The following EIF4E3 variants were observed in gnomAD, a reference collection of about 807,000 sequenced individuals.
The protein encoded by EIF4E3 is eukaryotic translation initiation factor 4E type 3.
EIF4E3 carries 26 observed loss-of-function variants against 31.7 expected under a neutral mutation model. The ratio of observed to expected loss-of-function variants is 0.82; its 90% CI spans 0.60 to 1.14. The LOEUF (loss-of-function observed/expected upper bound fraction) is 1.14, where lower values mean the gene tolerates loss of function less well. Among genes scored for constraint, EIF4E3 ranks in the 50% most tolerant of loss-of-function variants. The pLI is 0.00. For synonymous variants in EIF4E3, 128 were observed against 107.7 expected (o/e 1.19, Z -1.17); for missense variants, 304 against 270.9 (o/e 1.12, Z -0.86).
Position 71,707,871 on chromosome 3 carries a change from C to CTTT in EIF4E3, c.249+2538_249+2540dup, listed in dbSNP as rs35421624. 1.0e-3 allele frequency among the ~76,000 whole-genome samples: 133 copies of CTTT among 133,250 alleles called. 3 individuals are homozygous for CTTT. Among genetic ancestry groups the CTTT allele is most frequent in the African/African-American group, 2.9e-3 (104 of 35,514 alleles). 87.4% of individuals were successfully genotyped at this position (133,250 alleles called of 152,430 possible). On this transcript the variant is annotated intron_variant, in intron 2 of 6. Coordinates refer to ENST00000425534, the MANE Select transcript of EIF4E3 (RefSeq NM_001134651.2). ...TTCATTTATTAACTTCTAATTCATTCTTTTTTTTTTTTTTTTTGAGAGTGT... is the reference window on the plus strand; with the variant it reads ...TTCATTTATTAACTTCTAATTCATTCTTTTTTTTTTTTTTTTTTTTGAGAGTGT...
chr3:71,684,581 AC>A lies in EIF4E3; in HGVS notation c.*100del. ...AAGGACAGAAACCCACTCTAAATTG[AC>A]CAGCATCGGCTTCGGCAAGTCTTCT... On this transcript the variant is annotated 3_prime_UTR_variant, in exon 7 of 7. Transcript: ENST00000425534. 1 of 1,441,406 alleles carries A rather than the reference AC, an allele frequency of 6.9e-7. No homozygotes were observed. Among genetic ancestry groups the A allele is most frequent in the Non-Finnish European group, 9.7e-7 (1 of 1,033,780 alleles). The allele number at this position is 1,441,406 out of a possible 1,614,324, so 89.3% of individuals were successfully genotyped here.
chr3:71,725,195 T>C lies in EIF4E3; in HGVS notation c.173A>G (p.Asp58Gly). Residue 58 changes from aspartate (D) to glycine (G), a missense_variant, in exon 1 of 7, where the codon GAC becomes GGC. Transcript: ENST00000425534. The surrounding 1 kb of genome is among the most constrained non-coding windows in gnomAD (Gnocchi z 6.1). ...PLHSSWTFWL[D>G]RSLPGATAAE... ...GGCGGGCCCCGCGCCCCCTCACCTG[T>C]CGAGCCAGAAGGTCCAGGACGAGTG... is the stretch of plus-strand genomic sequence containing the variant. 2.7e-6 allele frequency: 3 copies of C among 1,116,788 alleles called. No homozygotes were observed. The highest frequency in any genetic ancestry group is 3.3e-6 in the Non-Finnish European group (3 of 912,930). 69.2% of individuals were successfully genotyped at this position (1,116,788 alleles called of 1,614,324 possible). A position where few individuals can be genotyped will look rare whatever the true frequency, so the allele number is the denominator to read the frequency against.
rs561457904 is a variant in EIF4E3, at chr3:71,714,143, C to T, written c.177-3659G>A. On this transcript the variant is annotated intron_variant, in intron 1 of 6. Transcript: ENST00000425534. ...AGGAGAATCGTTTGAACCTGGGAGG[C>T]GGAGGTTGCAGTGAGCCGAGATTGC... 2.8e-4 allele frequency among the ~76,000 whole-genome samples: 42 copies of T among 151,666 alleles called. 1 individual carries two copies. The South Asian group carries it at 7.9e-3, about 29-fold the overall frequency.
intron 1 of EIF4E3, among the ~76,000 whole-genome samples, chr3:71,732,696 G>A (rs2049719741): frequency 1.3e-5 from 2 of 152,236 alleles, no homozygotes; most frequent in Non-Finnish European, 2.9e-5. Flanking sequence ...TCAGAAACTG[G>A]ACTGAAGGGG....
downstream of EIF4E3, among the ~76,000 whole-genome samples, chr3:71,674,639 T>A (rs2048863108): frequency 6.6e-6 from 1 of 152,138 alleles, no homozygotes; most frequent in Admixed American, 6.5e-5. Flanking sequence ...CTCAACACTG[T>A]TTGTTGTAGG....
chr3:71,726,935 G>A (rs2049646481), upstream of EIF4E3, among the ~76,000 whole-genome samples: 1 of 152,144 alleles, frequency 6.6e-6, no homozygotes, highest in African/African-American at 2.4e-5. Context: ...ACTGCTCTGA[G>A]CACTTTACCC....
chr3:71,752,110 A>G (rs540182066), intron 1 of EIF4E3, among the ~76,000 whole-genome samples: 1 of 152,118 alleles, frequency 6.6e-6, no homozygotes, highest in Non-Finnish European at 1.5e-5. Context: ...TTAGATTTTT[A>G]AAAAAATATC....
intron 1 of EIF4E3, among the ~76,000 whole-genome samples, chr3:71,739,476 A>G (rs57437569): frequency 0.19 from 28,961 of 151,954 alleles, 2,787 homozygotes; most frequent in East Asian, 0.31. Context: ...CCAGAGGATC[A>G]CCTGAGGCTA....
At chr3:71,671,961 G>A (rs1275845695), downstream of EIF4E3, among the ~76,000 whole-genome samples, 1 of 152,140 alleles carries the variant, frequency 6.6e-6, no homozygotes, top group Non-Finnish European at 1.5e-5. Flanking sequence ...CGCAGAACAG[G>A]AGGATGACAA....
chr3:71,659,392 T>G, the EIF4E3 span, among the ~76,000 whole-genome samples: 1 of 152,210 alleles, frequency 6.6e-6, no homozygotes, highest in Admixed American at 6.5e-5. Flanking sequence ...AATTATGGCA[T>G]CAGACTTATT....
downstream of EIF4E3, among the ~76,000 whole-genome samples, chr3:71,672,174 G>C (rs1290197732): frequency 6.6e-6 from 1 of 151,990 alleles, no homozygotes; most frequent in South Asian, 2.1e-4. Context: ...CCCAGCAGAA[G>C]TAAGTTTACT....
intron 1 of EIF4E3, among the ~76,000 whole-genome samples, chr3:71,731,027 T>C (rs2049700808): frequency 6.6e-6 from 1 of 152,122 alleles, no homozygotes; most frequent in Non-Finnish European, 1.5e-5. Context: ...CCTAGCCTGC[T>C]CTTCCTTCTT....
chr3:71,710,359 T>C (rs1193535910), intron 2 of EIF4E3, 53 bp downstream of exon 2: 1 of 1,526,734 alleles, frequency 6.5e-7, no homozygotes, highest in East Asian at 2.5e-5. Context: ...GTTGGGTGAT[T>C]AGGTGTCTGA....
chr3:71,708,350 C>G (rs890304608), intron 2 of EIF4E3, among the ~76,000 whole-genome samples: 2 of 152,132 alleles, frequency 1.3e-5, no homozygotes, highest in Admixed American at 6.5e-5. Flanking sequence ...AAGACACTTT[C>G]TGGTGTAAGG....
chr3:71,666,463 C>G, the EIF4E3 span, among the ~76,000 whole-genome samples: 4 of 151,584 alleles, frequency 2.6e-5, no homozygotes, highest in African/African-American at 9.8e-5. Context: ...TAGCCTACCT[C>G]CCAAAAAAAG....
At chr3:71,728,090 C>T (rs1176333561), upstream of EIF4E3, among the ~76,000 whole-genome samples, 1 of 152,134 alleles carries the variant, frequency 6.6e-6, no homozygotes, top group Non-Finnish European at 1.5e-5. Flanking sequence ...TATATTTATT[C>T]CTATTTCTAT....
At chr3:71,695,845 C>T (rs1317100571) in intron 4 of EIF4E3, among the ~76,000 whole-genome samples, 2 of 152,164 alleles carry the variant, frequency 1.3e-5, no homozygotes, top group East Asian at 1.9e-4. Flanking sequence ...TTAATGTTCA[C>T]GTTCATTTCC....
intron 1 of EIF4E3, among the ~76,000 whole-genome samples, chr3:71,715,107 C>T (rs902893960): frequency 6.6e-6 from 1 of 152,192 alleles, no homozygotes; most frequent in African/African-American, 2.4e-5. Context: ...TATCTGAAGA[C>T]ATTTTTGGTT....
In EIF4E3 at chr3:71,693,948, T is replaced by C. The variant is rs1353114794; in HGVS notation, c.406-7A>G. 5 of 1,569,824 alleles carry C rather than the reference T, an allele frequency of 3.2e-6. No individual in the cohort carries two copies. The highest frequency in any genetic ancestry group is 3.5e-6 in the Non-Finnish European group (4 of 1,158,376). ...ACTCTTTCCAAACTGTGGACTGATA[T>C]GGGAAAAGAATAAAAAACAAAACAA... On this transcript the variant is annotated splice_region_variant and splice_polypyrimidine_tract_variant and intron_variant, in intron 4 of 6. Coordinates refer to ENST00000425534, the MANE Select transcript of EIF4E3 (RefSeq NM_001134651.2).
Sources: gnomAD v4.1 joint callset for allele counts (sites outside exome capture counted in the v4.1 genomes callset) on GRCh38, gnomAD v4.1.1 for gene constraint, Gnocchi (gnomAD v3.1) non-coding constraint, MANE v1.5 for transcripts, NCBI Gene and HGNC (gene_info 2026-07-23, HGNC 2026-07-21) for gene names.